RANBP2: variants seen among roughly 807,000 people sequenced by gnomAD.
RANBP2 encodes E3 SUMO-protein ligase RanBP2.
A neutral mutation model predicts 303.6 loss-of-function variants in RANBP2; 57 were observed. That is an observed-to-expected ratio of 0.19 (90% confidence interval 0.15 to 0.23). The LOEUF (loss-of-function observed/expected upper bound fraction) is 0.23, where lower values mean the gene tolerates loss of function less well. Ranked by LOEUF, RANBP2 falls within the 10% of genes least tolerant of loss-of-function variation. The pLI is 1.00. For missense variants in RANBP2, 3,138 were observed against 3,780.8 expected (o/e 0.83, Z 4.46); for synonymous variants, 1,167 against 1,301.5 (o/e 0.90, Z 2.23).
chr2:109,316,792 G>T, the RANBP2 span, among the ~76,000 whole-genome samples: 1 of 152,138 alleles, frequency 6.6e-6, no homozygotes, highest in East Asian at 1.9e-4. Flanking sequence ...AAATCCATGT[G>T]CTCTATCTGG....
the RANBP2 span, among the ~76,000 whole-genome samples, chr2:109,255,038 A>G: frequency 6.6e-6 from 1 of 152,232 alleles, no homozygotes; most frequent in Admixed American, 6.5e-5. Flanking sequence ...TGGCTCCAAC[A>G]CTGTACAAGC....
the RANBP2 span, among the ~76,000 whole-genome samples, chr2:109,156,429 A>G: frequency 6.7e-6 from 1 of 150,360 alleles, no homozygotes; most frequent in African/African-American, 2.4e-5. Flanking sequence ...GAGAGGATAC[A>G]CTAAGGGATG....
At chr2:108,852,093 G>A in the RANBP2 span, among the ~76,000 whole-genome samples, 3 of 151,988 alleles carry the variant, frequency 2.0e-5, no homozygotes, top group Non-Finnish European at 4.4e-5. Flanking sequence ...GTTATAGGCC[G>A]AGCACTTTAT....
the RANBP2 span, among the ~76,000 whole-genome samples, chr2:109,120,821 C>A: frequency 1.3e-5 from 2 of 152,144 alleles, no homozygotes; most frequent in Admixed American, 1.3e-4. Context: ...ACTTCCCTCA[C>A]ATGTCCAAAG....
the RANBP2 span, among the ~76,000 whole-genome samples, chr2:109,303,295 C>T: frequency 3.3e-5 from 5 of 152,226 alleles, no homozygotes; most frequent in African/African-American, 1.2e-4. Context: ...TTGGAACGTC[C>T]ATCCATGTGA....
the RANBP2 span, among the ~76,000 whole-genome samples, chr2:109,090,350 ACACACACAC>A: frequency 6.6e-6 from 1 of 151,006 alleles, no homozygotes; most frequent in Admixed American, 6.6e-5. Context: ...ACACACACAC[ACACACACAC>A]CACGTCTATG....
In RANBP2 at chr2:108,763,605, A is replaced by G; in HGVS notation, c.3066A>G (p.Gln1022=). 1.2e-6 allele frequency: 2 copies of G among 1,614,128 alleles called. No homozygotes were observed. Among genetic ancestry groups the G allele is most frequent in the Non-Finnish European group, 1.7e-6 (2 of 1,180,004 alleles). Residue 1022 remains glutamine (Q), a synonymous_variant, in exon 20 of 29, where the codon CAA becomes CAG. Transcript: ENST00000283195. ...GEGLRPSLPT[Q]AHTTQPTPFK... is the part of the protein sequence containing the mutation. ...GATTAAGGCCATCTTTGCCAACACA[A>G]GCACACACAACACAGCCAACTCCTT... is the stretch of plus-strand genomic sequence containing the variant.
the RANBP2 span, among the ~76,000 whole-genome samples, chr2:109,638,401 G>A: frequency 6.6e-6 from 1 of 152,160 alleles, no homozygotes; most frequent in South Asian, 2.1e-4. Context: ...TTCCATCAGA[G>A]CAAGCTCAGG....
chr2:108,935,959 T>C, the RANBP2 span, among the ~76,000 whole-genome samples: 1 of 152,234 alleles, frequency 6.6e-6, no homozygotes, highest in Non-Finnish European at 1.5e-5. Context: ...TTTGACTGTC[T>C]ATACTTGTCA....
chr2:108,731,546 T>A, intron 4 of RANBP2, 72 bp downstream of exon 4: 1 of 1,607,352 alleles, frequency 6.2e-7, no homozygotes, highest in African/African-American at 1.3e-5. Context: ...TTAAATTACT[T>A]TTCAATAGCA....
chr2:109,490,728 G>A, the RANBP2 span: 1 of 1,535,468 alleles, frequency 6.5e-7, no homozygotes, highest in Non-Finnish European at 8.7e-7. Flanking sequence ...CCTGCTCCAA[G>A]GTGCAGTGGG....
At chr2:109,553,168 C>G in the RANBP2 span, 1 of 1,614,172 alleles carries the variant, frequency 6.2e-7, no homozygotes, top group Non-Finnish European at 8.5e-7. Flanking sequence ...CTTCCTTCCT[C>G]TGACGTTCAC....
the RANBP2 span, among the ~76,000 whole-genome samples, chr2:109,666,682 G>T: frequency 1.3e-5 from 2 of 152,160 alleles, no homozygotes; most frequent in Admixed American, 6.6e-5. Context: ...AAGACATGTT[G>T]GCTGCTAATT....
At position 108,775,877 on chromosome 2, in the gene RANBP2, T is replaced by C. The variant is rs1677851038; in HGVS notation, c.8438T>C (p.Met2813Thr). 5 of 1,613,268 alleles carry C rather than the reference T, an allele frequency of 3.1e-6. No homozygotes were observed. The highest frequency in any genetic ancestry group is 3.4e-6 in the Non-Finnish European group (4 of 1,179,922). The stretch of plus-strand genomic sequence containing the variant: ...TCACCATCTGTTTCCTCTGAAACTA[T>C]GGACAAACCTGTAGATTTGTCAACT... ...ISSPSVSSET[M>T]DKPVDLSTRK... Residue 2813 changes from methionine to threonine, a missense_variant, in exon 24 of 29, where the codon ATG (methionine) becomes ACG (threonine). Physicochemically the swap from Met to Thr is moderately conservative, Grantham distance 81 (BLOSUM62 -1). Transcript: ENST00000283195.
the RANBP2 span, among the ~76,000 whole-genome samples, chr2:109,409,645 G>T: frequency 2.0e-5 from 3 of 152,216 alleles, no homozygotes; most frequent in African/African-American, 7.2e-5. Context: ...CGTGGCTGCT[G>T]CCTCTCCCAG....
chr2:109,043,636 G>A, the RANBP2 span, among the ~76,000 whole-genome samples: 14 of 152,216 alleles, frequency 9.2e-5, no homozygotes, highest in South Asian at 2.1e-4. Flanking sequence ...TGCCTGGCCC[G>A]AATGTATTTT....
chr2:109,423,761 C>T, the RANBP2 span, among the ~76,000 whole-genome samples: 2 of 152,132 alleles, frequency 1.3e-5, no homozygotes, highest in African/African-American at 4.8e-5. Flanking sequence ...GGCATGGCGG[C>T]ACCGTCCTCA....
the RANBP2 span, chr2:109,251,509 A>G: frequency 1.3e-6 from 1 of 741,316 alleles, no homozygotes; most frequent in African/African-American, 1.7e-5. Flanking sequence ...TGTCCAAGGA[A>G]TATTGTGGTC....
the RANBP2 span, chr2:109,544,584 T>C: frequency 6.7e-5 from 65 of 975,976 alleles, no homozygotes; most frequent in Middle Eastern, 1.1e-3. Context: ...ACAAGGTAAA[T>C]GTAAATTATC....
Sources: gnomAD v4.1 joint callset for allele counts (sites outside exome capture counted in the v4.1 genomes callset) on GRCh38, gnomAD v4.1.1 for gene constraint, MANE v1.5 for transcripts, NCBI Gene and HGNC (gene_info 2026-07-23, HGNC 2026-07-21) for gene names.